The following TLL1 variants were observed in gnomAD, a reference collection of about 807,000 sequenced individuals.
The protein encoded by TLL1 is tolloid-like protein 1.
A neutral mutation model predicts 128.2 loss-of-function variants in TLL1; 49 were observed. The observed-to-expected ratio is 0.38, with a 90% CI of 0.30 to 0.48. The LOEUF is 0.48. Among genes scored for constraint, TLL1 ranks in the 20% least tolerant of loss-of-function variants. TLL1 has a pLI of 0.96. For missense variants in TLL1, 1,123 were observed against 1,242.0 expected (o/e 0.90, Z 1.44); for synonymous variants, 454 against 418.8 (o/e 1.08, Z -1.03).
rs1741591587 is a variant in TLL1, at chr4:166,087,790, T to A, written c.2443-3338T>A. ...CCTGGCCAGGGGCCAGCCAGGTAGATTAGGCTTGCTTGGGTGTTCCAGAAA... is the reference window on the plus strand; with the variant it reads ...CCTGGCCAGGGGCCAGCCAGGTAGAATAGGCTTGCTTGGGTGTTCCAGAAA... On this transcript the variant is annotated intron_variant, in intron 18 of 20. Transcript: ENST00000061240. Among the ~76,000 whole-genome samples the A allele has an allele frequency of 2.6e-5, 4 of 152,186 alleles. No individual in the cohort carries two copies. The South Asian group carries it at 8.3e-4, about 31-fold the overall frequency.
At chr4:165,879,524 C>G (rs1730886756) in intron 1 of TLL1, among the ~76,000 whole-genome samples, 1 of 152,142 alleles carries the variant, frequency 6.6e-6, no homozygotes, top group East Asian at 1.9e-4. Flanking sequence ...TCTTCTGGAA[C>G]TCAGGTAGGT....
At position 165,959,187 on chromosome 4, in the gene TLL1, C is replaced by T. The variant is rs181943735; in HGVS notation, c.170-30194C>T. ...TTCTTTTGGCTTAGGATTGACTTGGCGATGCGGGCTTTTTTTTGGTTCCAT... is the reference window on the plus strand; with the variant it reads ...TTCTTTTGGCTTAGGATTGACTTGGTGATGCGGGCTTTTTTTTGGTTCCAT... On this transcript the variant is annotated intron_variant, in intron 1 of 20. Transcript: ENST00000061240. Among the ~76,000 whole-genome samples the T allele has an allele frequency of 2.0e-3, 305 of 152,062 alleles. 1 individual carries two copies. Among genetic ancestry groups the T allele is most frequent in the African/African-American group, 6.4e-3 (266 of 41,458 alleles).
intron 1 of TLL1, among the ~76,000 whole-genome samples, chr4:165,912,875 T>C (rs1044734538): frequency 6.8e-6 from 1 of 146,044 alleles, no homozygotes; most frequent in Non-Finnish European, 1.5e-5. Flanking sequence ...TAGAGGTGCT[T>C]ATCTTACCAT....
intron 1 of TLL1, among the ~76,000 whole-genome samples, chr4:165,923,826 C>CA (rs773480950): frequency 2.2e-4 from 34 of 152,100 alleles, no homozygotes; most frequent in Admixed American, 1.4e-3. Flanking sequence ...AACCCTGTGC[C>CA]AATGCCATTT....
chr4:165,939,148 G>A (rs1034545914), intron 1 of TLL1, among the ~76,000 whole-genome samples: 3 of 151,968 alleles, frequency 2.0e-5, no homozygotes, highest in South Asian at 2.1e-4. Flanking sequence ...AGGCTTCATC[G>A]TAGAGTGATT....
At chr4:165,949,879 C>T (rs150396356) in intron 1 of TLL1, among the ~76,000 whole-genome samples, 30 of 151,920 alleles carry the variant, frequency 2.0e-4, no homozygotes, top group East Asian at 3.9e-4. Context: ...AAAACGTAAA[C>T]GACAAGTAGA....
intron 1 of TLL1, among the ~76,000 whole-genome samples, chr4:165,937,967 G>T (rs1733841940): frequency 6.7e-6 from 1 of 148,714 alleles, no homozygotes; most frequent in Admixed American, 6.8e-5. Context: ...TTTCTTTAAA[G>T]AATTTTCATT....
At chr4:166,078,871 A>G (rs1295286850) in intron 18 of TLL1, among the ~76,000 whole-genome samples, 2 of 152,152 alleles carry the variant, frequency 1.3e-5, no homozygotes, top group East Asian at 3.9e-4. Context: ...AAGGTAGCTC[A>G]CTAGATCAGT....
At chr4:165,945,069 A>T (rs1734184496) in intron 1 of TLL1, among the ~76,000 whole-genome samples, 1 of 152,158 alleles carries the variant, frequency 6.6e-6, no homozygotes, top group South Asian at 2.1e-4. Flanking sequence ...AAATTCAGAC[A>T]TTTAGGAAAT....
intron 1 of TLL1, among the ~76,000 whole-genome samples, chr4:165,987,582 A>T (rs1047077387): frequency 6.6e-5 from 10 of 152,118 alleles, no homozygotes; most frequent in Non-Finnish European, 5.9e-5. Context: ...TTCCATTGGA[A>T]ATAGGGCCAG....
intron 1 of TLL1, among the ~76,000 whole-genome samples, chr4:165,876,807 A>G (rs1730743082): frequency 6.6e-6 from 1 of 152,214 alleles, no homozygotes; most frequent in Non-Finnish European, 1.5e-5. Context: ...GATGATAACA[A>G]TAGAAATTAG....
intron 1 of TLL1, among the ~76,000 whole-genome samples, chr4:165,932,688 GA>G (rs1733586429): frequency 2.0e-5 from 3 of 151,728 alleles, no homozygotes; most frequent in Admixed American, 2.0e-4. Context: ...TTATTGAAGA[GA>G]TTTGGAATTT....
At chr4:165,931,537 G>GA (rs1733518545) in intron 1 of TLL1, among the ~76,000 whole-genome samples, 1 of 151,784 alleles carries the variant, frequency 6.6e-6, no homozygotes, top group Non-Finnish European at 1.5e-5. Flanking sequence ...CCAACACGGT[G>GA]AAACCCCGTC....
intron 1 of TLL1, among the ~76,000 whole-genome samples, chr4:165,951,581 C>A (rs1258688054): frequency 6.6e-6 from 1 of 152,082 alleles, no homozygotes; most frequent in Non-Finnish European, 1.5e-5. Flanking sequence ...CAAGAGGACA[C>A]CATGTCATGT....
At chr4:165,991,882 G>T (rs1211983974) in intron 2 of TLL1, among the ~76,000 whole-genome samples, 1 of 151,924 alleles carries the variant, frequency 6.6e-6, no homozygotes, top group Non-Finnish European at 1.5e-5. Flanking sequence ...ATTAGTGGCT[G>T]TATTGGTTGT....
chr4:166,082,664 T>C (rs1391675612), intron 18 of TLL1, among the ~76,000 whole-genome samples: 1 of 152,054 alleles, frequency 6.6e-6, no homozygotes, highest in Non-Finnish European at 1.5e-5. Flanking sequence ...CTTTAACTTT[T>C]TTGTTTTTGT....
At chr4:165,975,002 T>G (rs557264279) in intron 1 of TLL1, among the ~76,000 whole-genome samples, 1 of 152,282 alleles carries the variant, frequency 6.6e-6, no homozygotes, top group South Asian at 2.1e-4. Context: ...TGGGATTCAG[T>G]GTAGTTTCAG....
intron 1 of TLL1, among the ~76,000 whole-genome samples, chr4:165,936,206 A>ATATT (rs765472596): frequency 9.7e-4 from 136 of 139,604 alleles, no homozygotes; most frequent in East Asian, 1.9e-3. Context: ...ATATATATAT[A>ATATT]TTTTTTTTTC....
chr4:165,900,909 A>G (rs11100625), intron 1 of TLL1, among the ~76,000 whole-genome samples: 44,458 of 151,658 alleles, frequency 0.29, 6,850 homozygotes, highest in East Asian at 0.51. Flanking sequence ...ACATGGTCCC[A>G]TATTTCTTGG....
Sources: gnomAD v4.1 joint callset for allele counts (sites outside exome capture counted in the v4.1 genomes callset) on GRCh38, gnomAD v4.1.1 for gene constraint, MANE v1.5 for transcripts, NCBI Gene and HGNC (gene_info 2026-07-23, HGNC 2026-07-21) for gene names.